Variants in CEP135 observed in about 807,000 individuals in gnomAD.
CEP135 encodes centrosomal protein 135, also known as centrosomal protein of 135 kDa.
CEP135 carries 142 observed loss-of-function variants against 157.3 expected under a neutral mutation model. That is an observed-to-expected ratio of 0.90 (90% CI 0.79 to 1.04). The LOEUF is 1.04. Ranked by LOEUF, CEP135 falls within the 50% of genes least tolerant of loss-of-function variation. The probability of loss-of-function intolerance (pLI) is 0.00; values close to 1 mark genes in which losing one functional copy is unlikely to be tolerated. For missense variants in CEP135, 1,317 were observed against 1,309.2 expected (o/e 1.01, Z -0.09); for synonymous variants, 396 against 439.8 (o/e 0.90, Z 1.25).
At chr4:55,978,380 C>A (rs1729294215) in intron 11 of CEP135, among the ~76,000 whole-genome samples, 1 of 152,104 alleles carries the variant, frequency 6.6e-6, no homozygotes, top group Non-Finnish European at 1.5e-5. Context: ...ATTCAAAATA[C>A]TATAAGAGTA....
chr4:55,987,096 G>A (rs532288272), intron 14 of CEP135, among the ~76,000 whole-genome samples: 1 of 152,290 alleles, frequency 6.6e-6, no homozygotes, highest in South Asian at 2.1e-4. Flanking sequence ...GCTTTGTTAG[G>A]TGGGATCAAA....
In CEP135 at chr4:55,969,215, G is replaced by A. The variant is rs1296265522; in HGVS notation, c.1110+87G>A. 3.9e-6 allele frequency: 4 copies of A among 1,028,760 alleles called. No individual in the cohort carries two copies. In the Admixed American group the frequency reaches 8.0e-5, roughly 21 times the overall value. The allele number at this position is 1,028,760 out of a possible 1,614,324, so 63.7% of individuals were successfully genotyped here. A position where few individuals can be genotyped will look rare whatever the true frequency, so the allele number is the denominator to read the frequency against. ...AGGTGGGTTTATCACCTGAGGTCAG[G>A]AGTTCGAGACCATCCAGCCACATCA... On this transcript the variant is annotated intron_variant, in intron 9 of 25. Coordinates refer to ENST00000257287, the MANE Select transcript of CEP135 (RefSeq NM_025009.5).
intron 15 of CEP135, among the ~76,000 whole-genome samples, chr4:55,995,340 A>T (rs896192211): frequency 6.6e-6 from 1 of 152,106 alleles, no homozygotes; most frequent in East Asian, 1.9e-4. Context: ...GTTTTGTTTT[A>T]GGCTTTCAGC....
intron 15 of CEP135, among the ~76,000 whole-genome samples, chr4:55,996,082 C>T (rs183823720): frequency 6.6e-6 from 1 of 152,160 alleles, no homozygotes; most frequent in African/African-American, 2.4e-5. Context: ...AACTAGTCTC[C>T]CATGAGAAGT....
At chr4:55,994,267 C>G (rs985500798) in intron 15 of CEP135, among the ~76,000 whole-genome samples, 1 of 152,194 alleles carries the variant, frequency 6.6e-6, no homozygotes, top group South Asian at 2.1e-4. Flanking sequence ...AGAGTCAGGG[C>G]CAGGCATGGT....
chr4:56,032,082 G>T lies in CEP135; in HGVS notation c.*734G>T, dbSNP rs1227309445. 6.6e-6 allele frequency: 1 copy of T among 152,108 alleles called. No individual in the cohort carries two copies. The allele number at this position is 152,108 out of a possible 1,614,324, so 9.4% of individuals were successfully genotyped here. On this transcript the variant is annotated 3_prime_UTR_variant, in exon 26 of 26. Coordinates refer to ENST00000257287, the MANE Select transcript of CEP135 (RefSeq NM_025009.5). ...GAGTTTTGTATAAAACAATAGAACA[G>T]AAATTTGGGACATTTTTCTAGGAAA...
chr4:55,982,625 A>G (rs1285685590), intron 13 of CEP135, among the ~76,000 whole-genome samples: 1 of 152,136 alleles, frequency 6.6e-6, no homozygotes, highest in African/African-American at 2.4e-5. Flanking sequence ...GGGTTGTCTC[A>G]TTATTAAGTT....
chr4:55,996,692 G>A (rs552586653), intron 15 of CEP135, among the ~76,000 whole-genome samples: 1 of 151,868 alleles, frequency 6.6e-6, no homozygotes, highest in East Asian at 1.9e-4. Context: ...AATAAAAACA[G>A]GGATACCACA....
In CEP135 at chr4:55,981,279, C is replaced by T; in HGVS notation, c.1679C>T (p.Pro560Leu). 1 of 1,596,128 alleles carries T rather than the reference C, an allele frequency of 6.3e-7. No individual in the cohort carries two copies. The highest frequency in any genetic ancestry group is 8.5e-7 in the Non-Finnish European group (1 of 1,173,906). ...AAGGAATCCACCCAAACCACAGCAC[C>T]CCATAATATTGTTAGTCTTATGGAA... is the stretch of plus-strand genomic sequence containing the variant. ...LRKESTQTTA[P>L]HNIVSLMEKE... The change falls in exon 13 of 26, where the codon CCC becomes CTC. Residue 560 changes from proline (P) to leucine (L), a missense_variant. Transcript: ENST00000257287.
intron 8 of CEP135, among the ~76,000 whole-genome samples, chr4:55,967,273 T>A (rs1361718734): frequency 6.6e-6 from 1 of 152,186 alleles, no homozygotes; most frequent in African/African-American, 2.4e-5. Context: ...ACACCACAAA[T>A]GTTGATATTT....
intron 22 of CEP135, among the ~76,000 whole-genome samples, chr4:56,018,888 C>G (rs948253193): frequency 1.3e-5 from 2 of 152,144 alleles, no homozygotes; most frequent in African/African-American, 2.4e-5. Context: ...TAGAATTTAC[C>G]TTTCCCAGAT....
In CEP135 at chr4:55,974,955, A is replaced by T; in HGVS notation, c.1459A>T (p.Arg487Ter). The T allele has an allele frequency of 6.2e-7, 1 of 1,600,436 alleles. No homozygotes were observed. Among genetic ancestry groups the T allele is most frequent in the Non-Finnish European group, 8.5e-7 (1 of 1,172,234 alleles). ...YSAREKSSIF[R>*]TPEKGDYNSE... ...CGCACGTGAAAAAAGTTCAATATTT[A>T]GAACACCAGAAAAGGTAATGTCCCT... Residue 487 changes from arginine (R) to a stop codon, truncating the protein, a stop_gained, in exon 11 of 26, where the codon AGA (arginine) becomes TGA (stop). Transcript: ENST00000257287. LOFTEE classifies it high-confidence loss of function.
chr4:55,950,524 C>T (rs1197869996), intron 1 of CEP135, among the ~76,000 whole-genome samples: 2 of 152,004 alleles, frequency 1.3e-5, no homozygotes, highest in Non-Finnish European at 2.9e-5. Context: ...TTGGCTCACA[C>T]CTGTAAACCT....
chr4:55,964,359 G>C lies in CEP135; in HGVS notation c.785G>C (p.Arg262Thr), dbSNP rs1315010494. 1.2e-6 allele frequency: 2 copies of C among 1,611,924 alleles called. No individual in the cohort carries two copies. The highest frequency in any genetic ancestry group is 2.7e-5 in the African/African-American group (2 of 74,856). ...RSPDVLSLES[R>T]NKTNEKLIAH... ...CCTGATGTCCTTTCTCTGGAGTCTA[G>C]AAATAAAACCAATGAAAAGCTTATT... The change falls in exon 7 of 26, where the codon AGA becomes ACA. Residue 262 changes from arginine (R) to threonine (T), a missense_variant. Physicochemically the swap from Arg to Thr is moderately conservative, Grantham distance 71. Coordinates refer to ENST00000257287, the MANE Select transcript of CEP135 (RefSeq NM_025009.5).
chr4:56,011,613 T>C, intron 20 of CEP135, 91 bp downstream of exon 20: 2 of 1,032,670 alleles, frequency 1.9e-6, no homozygotes, highest in East Asian at 2.6e-5. Flanking sequence ...ATTAAACATT[T>C]TAAAGTAGAG....
At chr4:55,983,638 CTTTTT>C (rs11356001) in intron 13 of CEP135, among the ~76,000 whole-genome samples, 1 of 146,998 alleles carries the variant, frequency 6.8e-6, no homozygotes, top group Non-Finnish European at 1.5e-5. Flanking sequence ...ACAATAGCCT[CTTTTT>C]TTTTTTTTGA....
intron 15 of CEP135, among the ~76,000 whole-genome samples, chr4:55,996,022 A>G (rs1189061545): frequency 6.6e-6 from 1 of 152,224 alleles, no homozygotes; most frequent in African/African-American, 2.4e-5. Context: ...TCCCATATAT[A>G]TTAGTTGTTT....
intron 4 of CEP135, among the ~76,000 whole-genome samples, chr4:55,954,740 A>G (rs938373940): frequency 1.3e-5 from 2 of 152,166 alleles, no homozygotes; most frequent in African/African-American, 4.8e-5. Context: ...GTACTTTCTT[A>G]GTTTATTTTA....
At chr4:56,010,296 A>G (rs1577906333) in intron 19 of CEP135, among the ~76,000 whole-genome samples, 1 of 143,238 alleles carries the variant, frequency 7.0e-6, no homozygotes, top group South Asian at 2.4e-4. Flanking sequence ...CTGGAGGCAG[A>G]GGTTGCAGTG....
Sources: allele counts gnomAD v4.1 joint callset (sites outside exome capture counted in the v4.1 genomes callset), GRCh38; gene constraint gnomAD v4.1.1; transcripts MANE v1.5; gene names NCBI Gene and HGNC (gene_info 2026-07-23, HGNC 2026-07-21).